Variants in STAU2 observed in about 807,000 individuals in gnomAD.
STAU2 encodes the protein staufen double-stranded RNA binding protein 2.
Under a neutral mutation model 65.9 loss-of-function variants are expected in STAU2, and 20 were observed. The ratio of observed to expected loss-of-function variants is 0.30; its 90% confidence interval spans 0.21 to 0.44. The LOEUF is 0.44. Ranked by LOEUF, STAU2 falls within the 20% of genes least tolerant of loss-of-function variation. The pLI is 1.00. For missense variants in STAU2, 558 were observed against 683.9 expected (o/e 0.82, Z 2.05); for synonymous variants, 232 against 233.9 (o/e 0.99, Z 0.07).
chr8:73,596,882 T>C, intron 10 of STAU2, among the ~76,000 whole-genome samples: 1 of 152,204 alleles, frequency 6.6e-6, no homozygotes, highest in Admixed American at 6.5e-5. Context: ...AAAAATTTTA[T>C]AAACAATGTA....
In STAU2 at chr8:73,739,857, G is replaced by C; in HGVS notation, c.-185C>G. 8.5e-7 allele frequency: 1 copy of C among 1,178,828 alleles called. No individual in the cohort carries two copies. 73.0% of individuals were successfully genotyped at this position (1,178,828 alleles called of 1,614,324 possible). A position where few individuals can be genotyped will look rare whatever the true frequency, so the allele number is the denominator to read the frequency against. On this transcript the variant is annotated 5_prime_UTR_variant, in exon 2 of 15. Transcript: ENST00000524300. ...TTAAAAAGTAAGCTAAAGTCCTTGT[G>C]GTAGGCAGCCTCTAACAAATAGAAT...
intron 5 of STAU2, among the ~76,000 whole-genome samples, chr8:73,683,589 A>G (rs1330602477): frequency 6.6e-6 from 1 of 152,184 alleles, no homozygotes; most frequent in African/African-American, 2.4e-5. Flanking sequence ...TATTCAACAC[A>G]GTACTGGAAG....
At chr8:73,744,347 A>G (rs1807124535) in intron 1 of STAU2, among the ~76,000 whole-genome samples, 1 of 152,172 alleles carries the variant, frequency 6.6e-6, no homozygotes, top group South Asian at 2.1e-4. Flanking sequence ...CAAACTATGC[A>G]GTCTAAGAGA....
intron 9 of STAU2, among the ~76,000 whole-genome samples, chr8:73,606,173 T>C (rs1441628052): frequency 6.6e-6 from 1 of 151,788 alleles, no homozygotes; most frequent in Non-Finnish European, 1.5e-5. Context: ...TTCTTAGATA[T>C]AACACCAAAA....
chr8:73,670,687 C>A (rs1817609758), intron 6 of STAU2, among the ~76,000 whole-genome samples: 1 of 152,126 alleles, frequency 6.6e-6, no homozygotes, highest in Non-Finnish European at 1.5e-5. Flanking sequence ...GATAATTTTT[C>A]CCCTAGCAAG....
chr8:73,474,633 GT>G (rs1439564787), intron 13 of STAU2, among the ~76,000 whole-genome samples: 1 of 151,876 alleles, frequency 6.6e-6, no homozygotes, highest in African/African-American at 2.4e-5. Flanking sequence ...ATCTTAATGG[GT>G]GTGTCTTTTA....
chr8:73,665,086 T>A (rs1396516729), intron 6 of STAU2, among the ~76,000 whole-genome samples: 1 of 152,214 alleles, frequency 6.6e-6, no homozygotes, highest in Non-Finnish European at 1.5e-5. Flanking sequence ...TTGTTCAAAT[T>A]TTCTTCTCTG....
chr8:73,530,188 T>G (rs1189664571), intron 13 of STAU2, among the ~76,000 whole-genome samples: 3 of 152,108 alleles, frequency 2.0e-5, no homozygotes, highest in Admixed American at 6.6e-5. Flanking sequence ...TTATGGACCT[T>G]TAAGTGACAA....
At chr8:73,514,478 G>A (rs1346489396) in intron 13 of STAU2, among the ~76,000 whole-genome samples, 2 of 152,130 alleles carry the variant, frequency 1.3e-5, no homozygotes, top group East Asian at 1.9e-4. Flanking sequence ...AATCATTTAT[G>A]TCTGGAACTC....
chr8:73,649,868 TTTATATA>T (rs1181532185), intron 6 of STAU2, among the ~76,000 whole-genome samples: 1 of 46,558 alleles, frequency 2.1e-5, no homozygotes, highest in Non-Finnish European at 5.0e-5. Flanking sequence ...TCTATATAAT[TTTATATA>T]TATATATATA....
At chr8:73,574,786 T>C (rs1401796764) in intron 12 of STAU2, among the ~76,000 whole-genome samples, 1 of 151,972 alleles carries the variant, frequency 6.6e-6, no homozygotes. Context: ...AGGGATAGCA[T>C]TAGGAGATAT....
chr8:73,422,782 A>AAAGACAGG, intron 13 of STAU2, 80 bp from the exon 14 acceptor site: 1 of 1,035,484 alleles, frequency 9.7e-7, no homozygotes, highest in Non-Finnish European at 1.3e-6. Flanking sequence ...GCTGAGATAG[A>AAAGACAGG]AAGACTCATT....
At chr8:73,746,872 C>G, upstream of STAU2, 1 of 1,193,752 alleles carries the variant, frequency 8.4e-7, no homozygotes, top group Non-Finnish European at 1.0e-6. Context: ...GCTTCCACCC[C>G]TCGGGCTCCC....
In STAU2 at chr8:73,532,232, AG is replaced by A. The variant is rs369962085; in HGVS notation, c.1530+19779del. Among the ~76,000 whole-genome samples, 687 of 152,356 alleles carry A rather than the reference AG, an allele frequency of 4.5e-3. 6 individuals are homozygous for A. Among genetic ancestry groups the A allele is most frequent in the African/African-American group, 0.016 (658 of 41,576 alleles). On this transcript the variant is annotated intron_variant, in intron 13 of 14. Transcript: ENST00000524300. The stretch of plus-strand genomic sequence containing the variant: ...TCAACCATAGCATCACATGACAGAT[AG>A]CAGTCCCTGAAGGAAATTAAAATAT...
chr8:73,516,602 A>C (rs1822740859), intron 13 of STAU2, among the ~76,000 whole-genome samples: 1 of 152,202 alleles, frequency 6.6e-6, no homozygotes, highest in South Asian at 2.1e-4. Context: ...AATTTTTGAA[A>C]AATAACCAGT....
At chr8:73,529,887 C>G (rs1805694084) in intron 13 of STAU2, among the ~76,000 whole-genome samples, 1 of 152,164 alleles carries the variant, frequency 6.6e-6, no homozygotes, top group Admixed American at 6.5e-5. Context: ...CTTGGAAGCT[C>G]AAAATAAAAA....
intron 13 of STAU2, among the ~76,000 whole-genome samples, chr8:73,531,048 C>G (rs1028035881): frequency 3.3e-5 from 5 of 152,180 alleles, no homozygotes; most frequent in African/African-American, 1.2e-4. Context: ...CTCTAACCCT[C>G]CAGAGCAGTA....
intron 13 of STAU2, among the ~76,000 whole-genome samples, chr8:73,426,653 C>T (rs757986037): frequency 1.2e-4 from 18 of 152,148 alleles, no homozygotes; most frequent in African/African-American, 2.9e-4. Flanking sequence ...TCTTTTTTTA[C>T]GGCCGAGTAG....
At chr8:73,645,179 G>A (rs1464174547) in intron 6 of STAU2, among the ~76,000 whole-genome samples, 1 of 152,046 alleles carries the variant, frequency 6.6e-6, no homozygotes, top group Non-Finnish European at 1.5e-5. Flanking sequence ...TGACTATAGA[G>A]ACAAAAAACC....
Sources: allele counts gnomAD v4.1 joint callset (sites outside exome capture counted in the v4.1 genomes callset), GRCh38; gene constraint gnomAD v4.1.1; transcripts MANE v1.5; gene names NCBI Gene and HGNC (gene_info 2026-07-23, HGNC 2026-07-21).